The following BRAF variants were observed in gnomAD, a reference collection of about 807,000 sequenced individuals.
The protein encoded by BRAF is B-Raf proto-oncogene, serine/threonine kinase.
BRAF carries 16 observed loss-of-function variants against 104.6 expected under a neutral mutation model. That is an observed-to-expected ratio of 0.15 (90% confidence interval 0.10 to 0.23). The LOEUF (loss-of-function observed/expected upper bound fraction) is 0.23, where lower values mean the gene tolerates loss of function less well. BRAF is among the 10% of genes least tolerant of loss of function. The probability of loss-of-function intolerance (pLI) is 1.00; values close to 1 mark genes in which losing one functional copy is unlikely to be tolerated. For missense variants in BRAF, 541 were observed against 937.3 expected (o/e 0.58, Z 5.52); for synonymous variants, 310 against 341.6 (o/e 0.91, Z 1.02).
At chr7:140,843,905 A>T (rs895067319) in intron 2 of BRAF, among the ~76,000 whole-genome samples, 1 of 152,194 alleles carries the variant, frequency 6.6e-6, no homozygotes, top group African/African-American at 2.4e-5. Flanking sequence ...GCTACTCGGG[A>T]GGCTGAGGCA....
At chr7:140,840,761 A>G (rs1807876403) in intron 2 of BRAF, among the ~76,000 whole-genome samples, 1 of 150,830 alleles carries the variant, frequency 6.6e-6, no homozygotes. Flanking sequence ...CCTGCATTCC[A>G]GCCTGGGTGA....
intron 16 of BRAF, among the ~76,000 whole-genome samples, chr7:140,751,567 A>T (rs1797790377): frequency 6.6e-6 from 1 of 152,130 alleles, no homozygotes; most frequent in Non-Finnish European, 1.5e-5. Context: ...AAAAAGGGGC[A>T]TTGGAAATCT....
rs1443582304 is a variant in BRAF at position 140,719,782 on chromosome 7, T to C, written c.*6712A>G. ...TGCAAAGCAGGTATAGAGAGGTCTG[T>C]GGACAATTAAAAAGTCCCCATCTTT... is the stretch of plus-strand genomic sequence containing the variant. On this transcript the variant is annotated 3_prime_UTR_variant, in exon 20 of 20. Coordinates refer to ENST00000644969, the MANE Select transcript of BRAF (RefSeq NM_001374258.1). 9.4e-7 allele frequency: 1 copy of C among 1,062,684 alleles called. No homozygotes were observed. Among genetic ancestry groups the C allele is most frequent in the Non-Finnish European group, 1.1e-6 (1 of 877,768 alleles). 65.8% of individuals were successfully genotyped at this position (1,062,684 alleles called of 1,614,324 possible). A position where few individuals can be genotyped will look rare whatever the true frequency, so the allele number is the denominator to read the frequency against.
chr7:140,744,012 T>C (rs1797151302), intron 17 of BRAF, among the ~76,000 whole-genome samples: 1 of 152,228 alleles, frequency 6.6e-6, no homozygotes, highest in African/African-American at 2.4e-5. Context: ...TGGTAAAGAA[T>C]TAACCTTGCC....
chr7:140,825,813 A>G (rs754670101), intron 3 of BRAF, among the ~76,000 whole-genome samples: 1 of 152,138 alleles, frequency 6.6e-6, no homozygotes, highest in Non-Finnish European at 1.5e-5. Flanking sequence ...ATTATTTTCT[A>G]TATAATTTTT....
intron 1 of BRAF, among the ~76,000 whole-genome samples, chr7:140,893,482 C>CTCG (rs745762187): frequency 4.6e-5 from 7 of 152,086 alleles, no homozygotes; most frequent in Non-Finnish European, 7.4e-5. Flanking sequence ...ATCTCTTGAC[C>CTCG]TCGTGATCTG....
intron 1 of BRAF, among the ~76,000 whole-genome samples, chr7:140,896,476 C>T (rs1331795415): frequency 6.6e-6 from 1 of 152,032 alleles, no homozygotes; most frequent in Non-Finnish European, 1.5e-5. Context: ...CACCTGTAAT[C>T]CCAACACGTT....
intron 2 of BRAF, among the ~76,000 whole-genome samples, chr7:140,837,922 G>T (rs1162880792): frequency 3.3e-5 from 5 of 152,050 alleles, no homozygotes; most frequent in African/African-American, 1.2e-4. Flanking sequence ...TCTCACTTCA[G>T]TGCTAATATT....
intron 14 of BRAF, among the ~76,000 whole-genome samples, chr7:140,765,520 A>G (rs1365704571): frequency 5.9e-5 from 9 of 151,992 alleles, no homozygotes; most frequent in East Asian, 1.9e-4. Flanking sequence ...GCAACCTACA[A>G]AATGGGAGAA....
Position 140,831,533 on chromosome 7 carries a change from T to C in BRAF, c.504+3076A>G, listed in dbSNP as rs57487639. Reference sequence around the variant, plus strand: ...TTTTTCATGGAATAAATGCTACAAATTATTTGTTCCATATATACAGAAGAG... The same window carrying C: ...TTTTTCATGGAATAAATGCTACAAACTATTTGTTCCATATATACAGAAGAG... On this transcript the variant is annotated intron_variant, in intron 3 of 19. Transcript: ENST00000644969. 7.5e-3 allele frequency among the ~76,000 whole-genome samples: 1,135 copies of C among 152,250 alleles called. 11 individuals carry two copies. Among genetic ancestry groups the C allele is most frequent in the African/African-American group, 0.026 (1,068 of 41,534 alleles).
chr7:140,794,596 G>A, intron 7 of BRAF, 129 bp from the exon 8 acceptor site: 1 of 1,117,264 alleles, frequency 9.0e-7, no homozygotes, highest in Non-Finnish European at 1.3e-6. Flanking sequence ...TAAAAACCTA[G>A]CAGTAATGAC....
chr7:140,899,597 A>G (rs139359324), intron 1 of BRAF, among the ~76,000 whole-genome samples: 1 of 152,284 alleles, frequency 6.6e-6, no homozygotes, highest in East Asian at 1.9e-4. Context: ...ATTGTTAACT[A>G]GATTAAGGGT....
At chr7:140,744,627 T>C (rs1797200759) in intron 17 of BRAF, among the ~76,000 whole-genome samples, 1 of 152,192 alleles carries the variant, frequency 6.6e-6, no homozygotes, top group African/African-American at 2.4e-5. Context: ...AGATAAAATT[T>C]CTCAGTATTT....
chr7:140,832,181 G>A (rs772805099), intron 3 of BRAF, among the ~76,000 whole-genome samples: 3 of 152,152 alleles, frequency 2.0e-5, no homozygotes, highest in South Asian at 2.1e-4. Context: ...AGTGTTTAGC[G>A]TGCTATCTTG....
chr7:140,885,555 T>C (rs778513537), intron 1 of BRAF, among the ~76,000 whole-genome samples: 1 of 152,202 alleles, frequency 6.6e-6, no homozygotes. Context: ...ATACCTCTTA[T>C]TAACATTTAG....
In BRAF at chr7:140,724,070, T is replaced by C. The variant is rs1795460671; in HGVS notation, c.*2424A>G. 3 of 1,047,774 alleles carry C rather than the reference T, an allele frequency of 2.9e-6. No homozygotes were observed. The highest frequency in any genetic ancestry group is 3.5e-6 in the Non-Finnish European group (3 of 868,378). The allele number at this position is 1,047,774 out of a possible 1,614,324, so 64.9% of individuals were successfully genotyped here. A position where few individuals can be genotyped will look rare whatever the true frequency, so the allele number is the denominator to read the frequency against. ...GCCTGGCTCCTGGGCACAGCTTCAT[T>C]TGAGATCAAGTCTGCTCCCCCGTTC... On this transcript the variant is annotated 3_prime_UTR_variant, in exon 20 of 20. Coordinates refer to ENST00000644969, the MANE Select transcript of BRAF (RefSeq NM_001374258.1).
chr7:140,717,607 AG>A (rs1250187328), downstream of BRAF, among the ~76,000 whole-genome samples: 2 of 152,242 alleles, frequency 1.3e-5, no homozygotes, highest in African/African-American at 4.8e-5. Context: ...ATAACTCAAA[AG>A]ACAGTAGGTC....
At chr7:140,870,632 A>G (rs1253956719) in intron 1 of BRAF, among the ~76,000 whole-genome samples, 6 of 131,134 alleles carry the variant, frequency 4.6e-5, no homozygotes, top group East Asian at 2.1e-4. Context: ...GGTTAACTAG[A>G]AAAAAAAAAA....
rs1336423433 is a variant in BRAF, at chr7:140,725,490, A to T, written c.*1004T>A. Reference sequence around the variant, plus strand: ...TTTTAATAAAAATAGAAAAGAAGAAACTCAGAAATTAAAACCTGTACCTTA... The same window carrying T: ...TTTTAATAAAAATAGAAAAGAAGAATCTCAGAAATTAAAACCTGTACCTTA... On this transcript the variant is annotated 3_prime_UTR_variant, in exon 20 of 20. Coordinates refer to ENST00000644969, the MANE Select transcript of BRAF (RefSeq NM_001374258.1). 7.4e-6 allele frequency: 7 copies of T among 951,498 alleles called. No individual in the cohort carries two copies. In the East Asian group the frequency reaches 3.6e-4, roughly 49 times the overall value. The allele number at this position is 951,498 out of a possible 1,614,324, so 58.9% of individuals were successfully genotyped here. A position where few individuals can be genotyped will look rare whatever the true frequency, so the allele number is the denominator to read the frequency against.
Sources: gnomAD v4.1 joint callset for allele counts (sites outside exome capture counted in the v4.1 genomes callset) on GRCh38, gnomAD v4.1.1 for gene constraint, MANE v1.5 for transcripts, NCBI Gene and HGNC (gene_info 2026-07-23, HGNC 2026-07-21) for gene names.